COL4A5: variants seen among roughly 807,000 people sequenced by gnomAD.
COL4A5 encodes collagen type IV alpha 5 chain, also known as collagen alpha-5(IV) chain.
A neutral mutation model predicts 130.2 loss-of-function variants in COL4A5; 26 were observed. The observed-to-expected ratio is 0.20, with a 90% CI of 0.15 to 0.28. The LOEUF (loss-of-function observed/expected upper bound fraction) is 0.28. Ranked by LOEUF, COL4A5 falls within the 10% of genes least tolerant of loss-of-function variation. The pLI is 1.00. For missense variants in COL4A5, 1,131 were observed against 1,344.3 expected (o/e 0.84, Z 2.48); for synonymous variants, 496 against 439.6 (o/e 1.13, Z -1.60).
intron 36 of COL4A5, among the ~76,000 whole-genome samples, chrX:108,645,894 T>C (rs1224501778): frequency 1.8e-5 from 2 of 110,810 alleles, no homozygotes; most frequent in Non-Finnish European, 1.9e-5. Flanking sequence ...TCCATGTCCC[T>C]ACAAAGGACA....
intron 1 of COL4A5, among the ~76,000 whole-genome samples, chrX:108,459,394 A>G (rs12116242): frequency 0.096 from 10,686 of 111,316 alleles, 1,154 homozygotes; most frequent in African/African-American, 0.32. Flanking sequence ...CCTTTTCCCA[A>G]TGTTTGAAAA....
intron 44 of COL4A5, 118 bp downstream of exon 44, chrX:108,677,751 T>A: frequency 1.1e-6 from 1 of 912,287 alleles, no homozygotes; most frequent in Admixed American, 2.6e-5. Context: ...TATGTGTGGC[T>A]CACTGGCGAA....
chrX:108,552,963 A>G (rs2065774323), intron 2 of COL4A5, among the ~76,000 whole-genome samples: 1 of 112,336 alleles, frequency 8.9e-6, no homozygotes. Flanking sequence ...ACAGGTAAAT[A>G]GTGAATCTGT....
chrX:108,633,413 C>CT (rs2067301791), intron 36 of COL4A5, among the ~76,000 whole-genome samples: 1 of 111,183 alleles, frequency 9.0e-6, no homozygotes, highest in Non-Finnish European at 1.9e-5. Flanking sequence ...GAGAAACTAA[C>CT]TTTATTTTTT....
chrX:108,623,949 G>A (rs1225893279), intron 33 of COL4A5, among the ~76,000 whole-genome samples: 1 of 111,582 alleles, frequency 9.0e-6, no homozygotes, highest in African/African-American at 3.3e-5. Flanking sequence ...AGATAACCTA[G>A]AGATTATCTG....
rs1437457738 is a variant in COL4A5 at position 108,571,339 on chromosome X, G to A, written c.385-74G>A. 3.8e-6 allele frequency: 3 copies of A among 797,194 alleles called. No homozygotes were observed. In the African/African-American group the frequency reaches 6.2e-5, roughly 16 times the overall value. The allele number at this position is 797,194 out of a possible 1,213,427, so 65.7% of individuals were successfully genotyped here. A position where few individuals can be genotyped will look rare whatever the true frequency, so the allele number is the denominator to read the frequency against. On this transcript the variant is annotated intron_variant, in intron 6 of 52. Coordinates refer to ENST00000328300, the MANE Select transcript of COL4A5 (RefSeq NM_033380.3). ...ATGGCTTTTATAGAAATCTTTTCAA[G>A]AAGTCATATCTTGATGGTATAGTTA...
intron 1 of COL4A5, among the ~76,000 whole-genome samples, chrX:108,539,470 T>G (rs777046049): frequency 3.4e-4 from 38 of 112,112 alleles, no homozygotes; most frequent in Admixed American, 2.3e-3. Context: ...TATTGAGAGA[T>G]ATCTCATTTT....
In COL4A5 at chrX:108,547,741, G is replaced by A. The variant is rs753265655; in HGVS notation, c.141+7936G>A. On this transcript the variant is annotated intron_variant, in intron 2 of 52. Transcript: ENST00000328300. ...ACAGAGGCAGGCAGGCCTCTTTGAG[G>A]TGCGGTGGGCTCCACCCAGTTTGAG... is the stretch of plus-strand genomic sequence containing the variant. Among the ~76,000 whole-genome samples the A allele has an allele frequency of 7.2e-5, 8 of 111,878 alleles. No homozygotes were observed. The South Asian group carries it at 2.6e-3, about 37-fold the overall frequency.
intron 37 of COL4A5, among the ~76,000 whole-genome samples, chrX:108,656,837 C>A (rs1331771955): frequency 9.0e-6 from 1 of 111,254 alleles, no homozygotes; most frequent in East Asian, 2.8e-4. Flanking sequence ...TACTTTTGTT[C>A]ATTTTTTATT....
At chrX:108,463,911 C>T (rs1430748773) in intron 1 of COL4A5, among the ~76,000 whole-genome samples, 2 of 111,442 alleles carry the variant, frequency 1.8e-5, no homozygotes, top group Non-Finnish European at 3.8e-5. Flanking sequence ...GGGCAGATTC[C>T]CCTCTTTTTA....
chrX:108,627,098 T>A (rs756676823), intron 36 of COL4A5: 66 of 639,669 alleles, frequency 1.0e-4, no homozygotes, highest in Non-Finnish European at 1.2e-4. Flanking sequence ...ATTTTGATCA[T>A]CTAATTGATC....
At chrX:108,503,213 T>C (rs2065097071) in intron 1 of COL4A5, among the ~76,000 whole-genome samples, 1 of 111,914 alleles carries the variant, frequency 8.9e-6, no homozygotes, top group South Asian at 3.8e-4. Context: ...TACTCGTCTT[T>C]CTTTTTGTGA....
intron 31 of COL4A5, among the ~76,000 whole-genome samples, chrX:108,621,598 G>A (rs1459518459): frequency 9.0e-6 from 1 of 110,960 alleles, no homozygotes; most frequent in Non-Finnish European, 1.9e-5. Flanking sequence ...GGTTCACTGG[G>A]GGGCCATCTT....
intron 29 of COL4A5, among the ~76,000 whole-genome samples, chrX:108,610,312 A>G (rs768575620): frequency 9.7e-4 from 108 of 111,399 alleles, no homozygotes; most frequent in African/African-American, 3.4e-3. Context: ...AACATGTTGG[A>G]TTGATTTCTA....
At chrX:108,633,728 G>C (rs1007777789) in intron 36 of COL4A5, among the ~76,000 whole-genome samples, 3 of 111,557 alleles carry the variant, frequency 2.7e-5, no homozygotes, top group Admixed American at 9.5e-5. Context: ...ATTTCAGTAA[G>C]CAAATTTTAC....
At chrX:108,602,923 C>T in intron 27 of COL4A5, 41 bp from the exon 28 acceptor site, 2 of 938,021 alleles carry the variant, frequency 2.1e-6, no homozygotes, top group Non-Finnish European at 1.5e-6. Context: ...TCTTAAAGTG[C>T]CTTTCCTTTG....
chrX:108,670,108 T>C (rs1052469163), intron 41 of COL4A5, 120 bp from the exon 42 acceptor site: 1 of 795,817 alleles, frequency 1.3e-6, no homozygotes, highest in African/African-American at 2.1e-5. Flanking sequence ...TGAAATGAAT[T>C]TTAACTTGAA....
intron 1 of COL4A5, among the ~76,000 whole-genome samples, chrX:108,502,733 C>T (rs1314701217): frequency 9.0e-6 from 1 of 111,052 alleles, no homozygotes; most frequent in Non-Finnish European, 1.9e-5. Context: ...TAACTAACAC[C>T]CAGGTCAAGA....
intron 2 of COL4A5, among the ~76,000 whole-genome samples, chrX:108,552,357 A>C (rs373431679): frequency 8.9e-6 from 1 of 112,094 alleles, no homozygotes; most frequent in East Asian, 2.8e-4. Flanking sequence ...ATTCCATGGT[A>C]TGGATCCACC....
Sources: gnomAD v4.1 joint callset for allele counts (sites outside exome capture counted in the v4.1 genomes callset) on GRCh38, gnomAD v4.1.1 for gene constraint, MANE v1.5 for transcripts, NCBI Gene and HGNC (gene_info 2026-07-23, HGNC 2026-07-21) for gene names.